CACNG2: variants seen among roughly 807,000 people sequenced by gnomAD.
CACNG2 encodes the protein calcium voltage-gated channel auxiliary subunit gamma 2.
Under a neutral mutation model 25.9 loss-of-function variants are expected in CACNG2, and 3 were observed. The ratio of observed to expected loss-of-function variants is 0.12; its 90% CI spans 0.05 to 0.30. The LOEUF is 0.30. Ranked by LOEUF, CACNG2 falls within the 10% of genes least tolerant of loss-of-function variation. CACNG2 has a pLI of 1.00. For missense variants in CACNG2, 341 were observed against 432.5 expected (o/e 0.79, Z 1.88); for synonymous variants, 167 against 173.3 (o/e 0.96, Z 0.29).
chr22:36,609,012 G>T (rs1029746925), intron 1 of CACNG2, among the ~76,000 whole-genome samples: 9 of 152,170 alleles, frequency 5.9e-5, no homozygotes, highest in Non-Finnish European at 1.3e-4. Context: ...AGAGCCTCTG[G>T]TTTTTCTCAG....
chr22:36,590,501 C>T (rs147628474), intron 1 of CACNG2, among the ~76,000 whole-genome samples: 1 of 152,134 alleles, frequency 6.6e-6, no homozygotes, highest in Non-Finnish European at 1.5e-5. Context: ...TCTTCCTCCT[C>T]CCTGCAGGCT....
At chr22:36,593,913 C>T (rs1347083731) in intron 1 of CACNG2, among the ~76,000 whole-genome samples, 2 of 152,020 alleles carry the variant, frequency 1.3e-5, no homozygotes, top group African/African-American at 4.8e-5. Flanking sequence ...AGCACTCAAG[C>T]ATTAGTGGTG....
intron 1 of CACNG2, among the ~76,000 whole-genome samples, chr22:36,611,076 G>C (rs990625687): frequency 1.3e-5 from 2 of 152,218 alleles, no homozygotes; most frequent in Admixed American, 1.3e-4. Context: ...TATGATGTCG[G>C]AACTTAATTA....
At chr22:36,649,709 C>T (rs1936578771) in intron 1 of CACNG2, among the ~76,000 whole-genome samples, 1 of 152,224 alleles carries the variant, frequency 6.6e-6, no homozygotes, top group Non-Finnish European at 1.5e-5. Context: ...AACTGAATCA[C>T]AGGGTGGGTT....
intron 1 of CACNG2, among the ~76,000 whole-genome samples, chr22:36,629,508 GTGTGTGTGTGTGTGTTCGTGTGTA>G (rs1936235407): frequency 6.6e-6 from 1 of 150,712 alleles, no homozygotes; most frequent in African/African-American, 2.4e-5. Flanking sequence ...GTGTGTGTTT[GTGTGTGTGTGTGTGTTCGTGTGTA>G]TGTGTGTGTG....
At chr22:36,667,594 T>C (rs951296885) in intron 1 of CACNG2, among the ~76,000 whole-genome samples, 1 of 152,188 alleles carries the variant, frequency 6.6e-6, no homozygotes, top group Non-Finnish European at 1.5e-5. Flanking sequence ...AAAGTAAGCA[T>C]ATGCCTAGGT....
intron 1 of CACNG2, among the ~76,000 whole-genome samples, chr22:36,653,092 C>T (rs918142271): frequency 2.6e-5 from 4 of 152,124 alleles, no homozygotes; most frequent in Non-Finnish European, 4.4e-5. Context: ...GAGGCCGAGG[C>T]GGGTGGATCA....
intron 2 of CACNG2, among the ~76,000 whole-genome samples, chr22:36,583,303 G>C (rs573758306): frequency 6.6e-6 from 1 of 151,980 alleles, no homozygotes; most frequent in South Asian, 2.1e-4. Flanking sequence ...TGTGGTGGCG[G>C]GTGCCTGTAA....
chr22:36,670,081 T>C (rs1936927370), intron 1 of CACNG2, among the ~76,000 whole-genome samples: 1 of 152,174 alleles, frequency 6.6e-6, no homozygotes, highest in Non-Finnish European at 1.5e-5. Flanking sequence ...TCAGCCCTGA[T>C]CTAACTAACT....
rs1935015824 is a variant in CACNG2, at chr22:36,560,876, A to T, written c.*3475T>A. 1 of 152,098 alleles carries T rather than the reference A, an allele frequency of 6.6e-6. No individual in the cohort carries two copies. The highest frequency in any genetic ancestry group is 2.1e-4 in the South Asian group (1 of 4,822). 9.4% of individuals were successfully genotyped at this position (152,098 alleles called of 1,614,324 possible). ...CTGAAGTGAGGACCAAGCTATAAAA[A>T]AAAAAAATCTTTATTTCATGTACCA... On this transcript the variant is annotated 3_prime_UTR_variant, in exon 4 of 4. Transcript: ENST00000300105.
intron 1 of CACNG2, among the ~76,000 whole-genome samples, chr22:36,687,522 T>C (rs1937216452): frequency 6.6e-6 from 1 of 152,248 alleles, no homozygotes; most frequent in African/African-American, 2.4e-5. Flanking sequence ...TGTGCTGTTC[T>C]GAGCTTGTGG....
intron 1 of CACNG2, among the ~76,000 whole-genome samples, chr22:36,590,944 C>G (rs1006808212): frequency 1.3e-5 from 2 of 152,142 alleles, no homozygotes; most frequent in African/African-American, 4.8e-5. Flanking sequence ...CCTCTGTTGC[C>G]TCTTTCTCCT....
chr22:36,569,300 A>T (rs1447430082), intron 2 of CACNG2, among the ~76,000 whole-genome samples: 1 of 151,724 alleles, frequency 6.6e-6, no homozygotes, highest in Non-Finnish European at 1.5e-5. Context: ...AGAGAGAGAA[A>T]CTCCCCTGCC....
At chr22:36,567,959 C>G (rs928792598) in intron 2 of CACNG2, among the ~76,000 whole-genome samples, 3 of 152,120 alleles carry the variant, frequency 2.0e-5, no homozygotes, top group Non-Finnish European at 4.4e-5. Context: ...AAGTGATTCT[C>G]CTGCCTCAGC....
intron 1 of CACNG2, among the ~76,000 whole-genome samples, chr22:36,666,099 T>A (rs966159583): frequency 6.6e-6 from 1 of 152,152 alleles, no homozygotes; most frequent in African/African-American, 2.4e-5. Context: ...GCTAATGAAA[T>A]AAGCCAGACA....
intron 1 of CACNG2, among the ~76,000 whole-genome samples, chr22:36,669,330 C>T (rs1367561079): frequency 6.7e-6 from 1 of 150,358 alleles, no homozygotes; most frequent in Admixed American, 6.6e-5. Flanking sequence ...GGTGACACCC[C>T]ATCTCTACTA....
Position 36,702,510 on chromosome 22 carries a change from G to T in CACNG2, c.67C>A (p.Leu23Met). ...TTVGAFAAFS[L>M]MTIAVGTDYW... ...TCGGTTCCCACAGCTATGGTCATCA[G>T]GCTGAAGGCAGCGAAAGCACCAACG... The change falls in exon 1 of 4, where the codon CTG becomes ATG. Residue 23 changes from leucine (L) to methionine (M), a missense_variant. This residue lies in a region of CACNG2 where 169 missense variants were observed against 254.4 expected (regional missense o/e 0.66). Coordinates refer to ENST00000300105, the MANE Select transcript of CACNG2 (RefSeq NM_006078.5). The T allele has an allele frequency of 6.2e-7, 1 of 1,614,110 alleles. No homozygotes were observed. The highest frequency in any genetic ancestry group is 1.1e-5 in the South Asian group (1 of 91,066).
chr22:36,701,355 G>GT (rs138609632), intron 1 of CACNG2, among the ~76,000 whole-genome samples: 2,423 of 151,652 alleles, frequency 0.016, 79 homozygotes, highest in African/African-American at 0.055. Context: ...ACCCACAGGA[G>GT]TTTTTTTTTC....
At chr22:36,586,538 G>A (rs1272956105) in intron 2 of CACNG2, among the ~76,000 whole-genome samples, 1 of 152,230 alleles carries the variant, frequency 6.6e-6, no homozygotes, top group African/African-American at 2.4e-5. Context: ...TGGGCTTGAT[G>A]TGAGAAGTAA....
Sources: gnomAD v4.1 joint callset for allele counts (sites outside exome capture counted in the v4.1 genomes callset) on GRCh38, gnomAD v4.1.1 for gene constraint, gnomAD v4.1.1 regional missense constraint, MANE v1.5 for transcripts, NCBI Gene and HGNC (gene_info 2026-07-23, HGNC 2026-07-21) for gene names.